The following MCF2L2 variants were observed in gnomAD, a reference collection of about 807,000 sequenced individuals.
MCF2L2 encodes MCF.2 cell line derived transforming sequence-like 2.
A neutral mutation model predicts 150.2 loss-of-function variants in MCF2L2; 102 were observed. That is an observed-to-expected ratio of 0.68 (90% CI 0.58 to 0.80). MCF2L2 has a LOEUF of 0.80. Among genes scored for constraint, MCF2L2 ranks in the 30% least tolerant of loss-of-function variants. The pLI, the probability that MCF2L2 is intolerant of heterozygous loss-of-function variation, is 0.00. For synonymous variants in MCF2L2, 465 were observed against 491.3 expected (o/e 0.95, Z 0.71); for missense variants, 1,256 against 1,372.8 (o/e 0.91, Z 1.34).
chr3:183,297,366 C>G (rs1728571544), intron 11 of MCF2L2, 199 bp from the exon 12 acceptor site: 1 of 538,004 alleles, frequency 1.9e-6, no homozygotes, highest in East Asian at 3.1e-5. Context: ...CCAGCTGATA[C>G]CTGTCCACTT....
chr3:183,273,662 GC>G (rs1217129542), intron 15 of MCF2L2, among the ~76,000 whole-genome samples: 2 of 152,178 alleles, frequency 1.3e-5, no homozygotes, highest in African/African-American at 4.8e-5. Context: ...TAATGGAACT[GC>G]CCTATACAGG....
chr3:183,214,720 C>T (rs1722850103), intron 22 of MCF2L2, among the ~76,000 whole-genome samples: 2 of 152,054 alleles, frequency 1.3e-5, no homozygotes, highest in South Asian at 4.2e-4. Flanking sequence ...GGCACGATGG[C>T]TCTCACCTGT....
intron 25 of MCF2L2, among the ~76,000 whole-genome samples, chr3:183,202,278 T>C (rs1722313921): frequency 6.6e-6 from 1 of 152,352 alleles, no homozygotes; most frequent in Non-Finnish European, 1.5e-5. Context: ...TACAGGCAAT[T>C]GTTTAACTTC....
At chr3:183,272,875 A>G in intron 15 of MCF2L2, 1 of 1,299,322 alleles carries the variant, frequency 7.7e-7, no homozygotes, top group Non-Finnish European at 9.9e-7. Flanking sequence ...TGTTTACAGC[A>G]GTGCTTTTGT....
chr3:183,400,824 C>T (rs962406061), intron 1 of MCF2L2, among the ~76,000 whole-genome samples: 3 of 151,304 alleles, frequency 2.0e-5, no homozygotes, highest in East Asian at 1.9e-4. Flanking sequence ...TAAAATAAAA[C>T]GATAGGGATA....
intron 13 of MCF2L2, among the ~76,000 whole-genome samples, chr3:183,294,367 T>G (rs1055346650): frequency 6.6e-6 from 1 of 151,762 alleles, no homozygotes; most frequent in African/African-American, 2.4e-5. Context: ...GTTGTTGTTG[T>G]TGAGACAGAG....
At chr3:183,322,420 C>T (rs1729850623) in intron 6 of MCF2L2, among the ~76,000 whole-genome samples, 1 of 152,042 alleles carries the variant, frequency 6.6e-6, no homozygotes, top group African/African-American at 2.4e-5. Flanking sequence ...CAGCGGAGTC[C>T]CTGACGACCC....
At chr3:183,310,633 G>A (rs148355250) in intron 9 of MCF2L2, 23 of 339,946 alleles carry the variant, frequency 6.8e-5, no homozygotes, top group East Asian at 5.0e-4. Flanking sequence ...ACTGCACTCC[G>A]GCCGGAGTGA....
At chr3:183,394,414 T>C (rs997503104) in intron 1 of MCF2L2, among the ~76,000 whole-genome samples, 3 of 152,186 alleles carry the variant, frequency 2.0e-5, no homozygotes, top group African/African-American at 7.2e-5. Flanking sequence ...CCCACCCTCC[T>C]ACCTCCACAA....
chr3:183,369,048 GAATAGTAAAT>G (rs1322111675), intron 3 of MCF2L2, among the ~76,000 whole-genome samples: 6 of 152,144 alleles, frequency 3.9e-5, no homozygotes, highest in African/African-American at 1.4e-4. Flanking sequence ...TGACACAATA[GAATAGTAAAT>G]AATAGTAAAA....
intron 1 of MCF2L2, among the ~76,000 whole-genome samples, chr3:183,417,618 T>G (rs1715672275): frequency 1.3e-5 from 2 of 152,232 alleles, no homozygotes; most frequent in Non-Finnish European, 2.9e-5. Flanking sequence ...CCTTAAAAGG[T>G]AGATCTGTTA....
Position 183,228,306 on chromosome 3 carries a change from A to G in MCF2L2, c.2106T>C (p.Phe702=), listed in dbSNP as rs1471588120. The change falls in exon 18 of 30, where the codon TTT becomes TTC. Residue 702 remains phenylalanine, a synonymous_variant. Transcript: ENST00000328913. Reference sequence around the variant, plus strand: ...GGGAGTACAGACTTACTCTCTTGAGAAAGCAATGTGCCAGAAGTTCAGGGT... The same window carrying G: ...GGGAGTACAGACTTACTCTCTTGAGGAAGCAATGTGCCAGAAGTTCAGGGT... ...AENPELLAHC[F]LKRKEDLQIY... is the part of the protein sequence containing the mutation. The G allele has an allele frequency of 1.9e-5, 31 of 1,613,098 alleles. No homozygotes were observed. The highest frequency in any genetic ancestry group is 2.4e-5 in the Non-Finnish European group (28 of 1,179,276).
At chr3:183,340,868 G>A (rs1282500342) in intron 4 of MCF2L2, among the ~76,000 whole-genome samples, 4 of 152,160 alleles carry the variant, frequency 2.6e-5, no homozygotes, top group South Asian at 2.1e-4. Flanking sequence ...TCTCGAACCC[G>A]GGAGGCAGAG....
intron 15 of MCF2L2, chr3:183,272,884 G>T: frequency 7.6e-7 from 1 of 1,309,940 alleles, no homozygotes; most frequent in Non-Finnish European, 9.8e-7. Flanking sequence ...CAGTGCTTTT[G>T]TGAAACAATT....
At chr3:183,292,671 A>C (rs1026658253) in intron 13 of MCF2L2, among the ~76,000 whole-genome samples, 10 of 152,178 alleles carry the variant, frequency 6.6e-5, no homozygotes, top group African/African-American at 2.4e-4. Context: ...GTGGGGGATT[A>C]ACATATATAG....
intron 5 of MCF2L2, among the ~76,000 whole-genome samples, chr3:183,335,257 T>G (rs1730429624): frequency 6.6e-6 from 1 of 152,116 alleles, no homozygotes; most frequent in Non-Finnish European, 1.5e-5. Flanking sequence ...TATATATGTA[T>G]TCATATTAAA....
At chr3:183,336,226 T>A (rs1313926941) in intron 5 of MCF2L2, among the ~76,000 whole-genome samples, 1 of 152,160 alleles carries the variant, frequency 6.6e-6, no homozygotes, top group Admixed American at 6.5e-5. Context: ...TGTATATATA[T>A]ATCATATAAG....
At chr3:183,192,908 C>A in intron 27 of MCF2L2, 91 bp downstream of exon 27, 1 of 884,470 alleles carries the variant, frequency 1.1e-6, no homozygotes, top group African/African-American at 1.7e-5. Flanking sequence ...TAAAGAAGGG[C>A]TGGGCCCTAG....
intron 13 of MCF2L2, among the ~76,000 whole-genome samples, chr3:183,294,634 T>A (rs1560003834): frequency 1.1e-5 from 1 of 93,330 alleles, no homozygotes; most frequent in Non-Finnish European, 2.2e-5. Context: ...TATATATATA[T>A]TTTTTTTTTT....
Sources: gnomAD v4.1 joint callset for allele counts (sites outside exome capture counted in the v4.1 genomes callset) on GRCh38, gnomAD v4.1.1 for gene constraint, MANE v1.5 for transcripts, NCBI Gene and HGNC (gene_info 2026-07-23, HGNC 2026-07-21) for gene names.